Variants in TMTC2 observed in about 807,000 individuals in gnomAD.
The protein encoded by TMTC2 is protein O-mannosyl-transferase TMTC2.
In TMTC2, 43 loss-of-function variants were observed where a neutral mutation model predicts 82.4. The observed-to-expected ratio is 0.52, with a 90% CI of 0.41 to 0.67. The LOEUF is 0.67. Ranked by LOEUF, TMTC2 falls within the 30% of genes least tolerant of loss-of-function variation. The pLI is 0.00. For synonymous variants in TMTC2, 408 were observed against 381.9 expected (o/e 1.07, Z -0.80); for missense variants, 919 against 1,012.4 (o/e 0.91, Z 1.25).
Position 83,030,802 on chromosome 12 carries a change from G to T in TMTC2, c.2075G>T (p.Arg692Leu). ...TYGKLLALTG[R>L]KSEAEKLFLK... ...CCATTTTCTCTGTTTTTCAAGGGTCGTAAGAGTGAGGCTGAAAAGCTCTTC... is the reference window on the plus strand; with the variant it reads ...CCATTTTCTCTGTTTTTCAAGGGTCTTAAGAGTGAGGCTGAAAAGCTCTTC... The change falls in exon 9 of 12, where the codon CGT (arginine) becomes CTT (leucine). Residue 692 changes from arginine (R) to leucine (L), a missense_variant. By Grantham distance (102) the Arg-to-Leu change is moderately radical. Transcript: ENST00000321196. 1 of 1,612,646 alleles carries T rather than the reference G, an allele frequency of 6.2e-7. No individual in the cohort carries two copies. The highest frequency in any genetic ancestry group is 1.1e-5 in the South Asian group (1 of 91,028).
At chr12:82,814,366 T>A (rs1858059) in intron 1 of TMTC2, among the ~76,000 whole-genome samples, 38,919 of 152,002 alleles carry the variant, frequency 0.26, 6,705 homozygotes, top group African/African-American at 0.49. Context: ...CAAAGCTCCA[T>A]GGGAGAATAC....
intron 1 of TMTC2, among the ~76,000 whole-genome samples, chr12:82,735,849 G>A (rs1308148512): frequency 6.6e-6 from 1 of 151,924 alleles, no homozygotes; most frequent in Non-Finnish European, 1.5e-5. Flanking sequence ...AGCCTGGCGT[G>A]GTGGTAGGCA....
At chr12:83,044,185 C>G (rs1489591520) in intron 9 of TMTC2, among the ~76,000 whole-genome samples, 1 of 152,152 alleles carries the variant, frequency 6.6e-6, no homozygotes, top group Non-Finnish European at 1.5e-5. Flanking sequence ...CTAGCTTGCT[C>G]TTGAAGATGA....
At chr12:82,779,405 C>G in intron 1 of TMTC2, among the ~76,000 whole-genome samples, 1 of 152,070 alleles carries the variant, frequency 6.6e-6, no homozygotes. Flanking sequence ...TCAGGTATAA[C>G]TCACATTTAT....
chr12:82,878,921 G>A (rs1159826845), intron 2 of TMTC2, among the ~76,000 whole-genome samples: 1 of 152,068 alleles, frequency 6.6e-6, no homozygotes, highest in Non-Finnish European at 1.5e-5. Flanking sequence ...TGAACAAAGT[G>A]CCATTCCATG....
Position 82,742,308 on chromosome 12 carries a change from C to T in TMTC2, c.83+54639C>T, listed in dbSNP as rs547881265. The stretch of plus-strand genomic sequence containing the variant: ...CCATTCTTTTTTATGTCTTTAGCCT[C>T]GGAGCTAAGCTAAGAGACCCAAATG... On this transcript the variant is annotated intron_variant, in intron 1 of 11. Transcript: ENST00000321196. 3.3e-5 allele frequency among the ~76,000 whole-genome samples: 5 copies of T among 150,856 alleles called. No homozygotes were observed. In the South Asian group the frequency reaches 8.4e-4, roughly 25 times the overall value.
At chr12:83,048,874 G>A (rs1882240931) in intron 9 of TMTC2, among the ~76,000 whole-genome samples, 1 of 152,144 alleles carries the variant, frequency 6.6e-6, no homozygotes, top group African/African-American at 2.4e-5. Context: ...TCACCATGTT[G>A]GCCAGGCTGG....
At chr12:82,969,752 GT>G (rs926348578) in intron 7 of TMTC2, among the ~76,000 whole-genome samples, 3 of 152,114 alleles carry the variant, frequency 2.0e-5, no homozygotes, top group South Asian at 2.1e-4. Context: ...CTTATAAGTA[GT>G]TTTTTTAAAT....
chr12:82,927,924 A>G (rs1449768911), intron 3 of TMTC2, among the ~76,000 whole-genome samples: 1 of 152,198 alleles, frequency 6.6e-6, no homozygotes, highest in African/African-American at 2.4e-5. Context: ...TTTTATACAC[A>G]CTAGAAAACC....
intron 4 of TMTC2, among the ~76,000 whole-genome samples, chr12:82,961,949 C>T (rs963281429): frequency 1.3e-5 from 2 of 152,010 alleles, no homozygotes; most frequent in African/African-American, 4.8e-5. Flanking sequence ...ATCTTAGACT[C>T]ACTCTATTGC....
chr12:82,874,284 G>A (rs1039225813), intron 2 of TMTC2, among the ~76,000 whole-genome samples: 8 of 152,172 alleles, frequency 5.3e-5, no homozygotes, highest in African/African-American at 1.7e-4. Flanking sequence ...ACCTAGTTGT[G>A]TAATTGTGAA....
At chr12:83,058,827 C>T (rs958494905) in intron 10 of TMTC2, among the ~76,000 whole-genome samples, 1 of 151,828 alleles carries the variant, frequency 6.6e-6, no homozygotes, top group Non-Finnish European at 1.5e-5. Context: ...TCTCTTAATA[C>T]TTGGACACTT....
At chr12:82,986,125 T>C (rs1450577979) in intron 8 of TMTC2, 79 bp downstream of exon 8, 1 of 1,584,694 alleles carries the variant, frequency 6.3e-7, no homozygotes, top group Non-Finnish European at 8.6e-7. Context: ...AGGTACTGTT[T>C]TACAGCCAGT....
At chr12:82,726,218 A>G (rs944588806) in intron 1 of TMTC2, among the ~76,000 whole-genome samples, 1 of 152,220 alleles carries the variant, frequency 6.6e-6, no homozygotes, top group Non-Finnish European at 1.5e-5. Flanking sequence ...TATGATTTGT[A>G]GGGCATGACT....
At chr12:82,713,322 AAAAG>A (rs1290947919) in intron 1 of TMTC2, among the ~76,000 whole-genome samples, 3 of 151,480 alleles carry the variant, frequency 2.0e-5, no homozygotes, top group Non-Finnish European at 4.4e-5. Flanking sequence ...TTTCAAAAAA[AAAAG>A]AAAAACAAAA....
chr12:82,850,440 AG>A (rs1428501985), intron 1 of TMTC2, among the ~76,000 whole-genome samples: 10 of 151,214 alleles, frequency 6.6e-5, no homozygotes, highest in South Asian at 4.2e-4. Flanking sequence ...CCCCCAGGCT[AG>A]AGTGGGTGGA....
chr12:82,820,399 C>T (rs755583437), intron 1 of TMTC2, among the ~76,000 whole-genome samples: 2 of 151,608 alleles, frequency 1.3e-5, no homozygotes, highest in Non-Finnish European at 2.9e-5. Flanking sequence ...GAGACACAGT[C>T]TTGCTATAAC....
intron 1 of TMTC2, among the ~76,000 whole-genome samples, chr12:82,806,983 G>A (rs954833703): frequency 1.3e-5 from 2 of 152,080 alleles, no homozygotes; most frequent in Non-Finnish European, 2.9e-5. Flanking sequence ...ATGACTCCTA[G>A]CACAGAACCC....
In TMTC2 at chr12:83,131,990, G is replaced by C. The variant is rs141669801; in HGVS notation, c.2332-220G>C. Among the ~76,000 whole-genome samples the C allele has an allele frequency of 6.6e-5, 10 of 152,154 alleles. No individual in the cohort carries two copies. The East Asian group carries it at 1.9e-3, about 29-fold the overall frequency. On this transcript the variant is annotated intron_variant, in intron 11 of 11. Transcript: ENST00000321196. ...TTAAAGAAAAAATACTATTTCTCTA[G>C]AAGCCTGTCCTTTTTAAAGCACAAA...
Sources: allele counts gnomAD v4.1 joint callset (sites outside exome capture counted in the v4.1 genomes callset), GRCh38; gene constraint gnomAD v4.1.1; transcripts MANE v1.5; gene names NCBI Gene and HGNC (gene_info 2026-07-23, HGNC 2026-07-21).